Variants in DOCK8 observed in about 807,000 individuals in gnomAD.
DOCK8 encodes the protein dedicator of cytokinesis 8, also known as dedicator of cytokinesis protein 8.
In DOCK8, 141 loss-of-function variants were observed where a neutral mutation model predicts 245.6. The observed-to-expected ratio is 0.57, with a 90% CI of 0.50 to 0.66. The LOEUF is 0.66. DOCK8 is among the 30% of genes least tolerant of loss of function. DOCK8 has a pLI of 0.00. For missense variants in DOCK8, 2,965 were observed against 2,603.4 expected (o/e 1.14, Z -3.02); for synonymous variants, 1,168 against 970.2 (o/e 1.20, Z -3.79).
Position 419,985 on chromosome 9 carries a change from C to A in DOCK8, c.3841-416C>A, listed in dbSNP as rs77756862. The A allele has an allele frequency of 2.7e-4, 74 of 272,846 alleles. 1 individual carries two copies. Among genetic ancestry groups the A allele is most frequent in the African/African-American group, 1.5e-3 (71 of 46,058 alleles). 16.9% of individuals were successfully genotyped at this position (272,846 alleles called of 1,614,324 possible). Reference sequence around the variant, plus strand: ...CATGGCACCCAGCCAGTTTCCTTCTCCCCTGTAAGTCTAACCCTCTGCTGC... The same window carrying A: ...CATGGCACCCAGCCAGTTTCCTTCTACCCTGTAAGTCTAACCCTCTGCTGC... On this transcript the variant is annotated intron_variant, in intron 30 of 47. Coordinates refer to ENST00000432829, the MANE Select transcript of DOCK8 (RefSeq NM_203447.4).
At chr9:379,714 C>T in intron 20 of DOCK8, 57 bp from the exon 21 acceptor site, 6 of 1,595,050 alleles carry the variant, frequency 3.8e-6, no homozygotes, top group Non-Finnish European at 5.2e-6. Flanking sequence ...GAAACTTCCA[C>T]CTCAGGCTCC....
chr9:319,884 G>C (rs1026830626), intron 7 of DOCK8, among the ~76,000 whole-genome samples: 17 of 152,178 alleles, frequency 1.1e-4, no homozygotes, highest in Non-Finnish European at 2.2e-4. Flanking sequence ...AGTAATCTCA[G>C]CTCTTAGGAG....
At chr9:311,140 C>G (rs2050089455) in intron 5 of DOCK8, among the ~76,000 whole-genome samples, 1 of 152,036 alleles carries the variant, frequency 6.6e-6, no homozygotes, top group Non-Finnish European at 1.5e-5. Context: ...ACAAAAATAA[C>G]CAGATGTAGT....
At chr9:256,457 C>G (rs2047778271) in intron 1 of DOCK8, among the ~76,000 whole-genome samples, 1 of 152,176 alleles carries the variant, frequency 6.6e-6, no homozygotes, top group Non-Finnish European at 1.5e-5. Context: ...TAGTACTTAT[C>G]CCATGAGGGA....
chr9:318,967 CAT>C (rs2050465365), intron 7 of DOCK8, among the ~76,000 whole-genome samples: 1 of 152,172 alleles, frequency 6.6e-6, no homozygotes, highest in Non-Finnish European at 1.5e-5. Context: ...GGTGGGAAAA[CAT>C]GGTCACTAAG....
At chr9:281,399 T>A (rs1052226650) in intron 2 of DOCK8, among the ~76,000 whole-genome samples, 1 of 152,202 alleles carries the variant, frequency 6.6e-6, no homozygotes, top group African/African-American at 2.4e-5. Flanking sequence ...TGGTCTCCAC[T>A]GGCTAGGAGA....
At chr9:384,876 A>T (rs957113544) in intron 22 of DOCK8, among the ~76,000 whole-genome samples, 1 of 152,216 alleles carries the variant, frequency 6.6e-6, no homozygotes, top group Non-Finnish European at 1.5e-5. Flanking sequence ...AGATCGTGCC[A>T]CCGCACTCCA....
intron 14 of DOCK8, among the ~76,000 whole-genome samples, chr9:348,182 A>T (rs558212675): frequency 6.6e-6 from 1 of 152,288 alleles, no homozygotes; most frequent in East Asian, 1.9e-4. Context: ...CAAGAGATGC[A>T]TCCCTTAATG....
intron 12 of DOCK8, among the ~76,000 whole-genome samples, chr9:337,540 A>C (rs564555446): frequency 1.3e-5 from 2 of 152,190 alleles, no homozygotes; most frequent in African/African-American, 4.8e-5. Flanking sequence ...TTCATGTGCA[A>C]GTTTCCACTT....
chr9:333,461 CA>C (rs954771220), intron 10 of DOCK8, among the ~76,000 whole-genome samples: 15 of 152,092 alleles, frequency 9.9e-5, no homozygotes, highest in African/African-American at 3.1e-4. Flanking sequence ...ATTAGCCGGG[CA>C]TGGTGGCACG....
chr9:325,576 C>A, intron 7 of DOCK8, 95 bp from the exon 8 acceptor site: 1 of 1,002,178 alleles, frequency 1.0e-6, no homozygotes, highest in South Asian at 1.3e-5. Context: ...GGAAACTGCT[C>A]ATATTTTTAA....
chr9:441,491 C>T (rs2057093807), intron 41 of DOCK8, 74 bp downstream of exon 41: 1 of 1,603,884 alleles, frequency 6.2e-7, no homozygotes, highest in Non-Finnish European at 8.5e-7. Flanking sequence ...GCTTAGCCAT[C>T]CTTCCTCTCC....
intron 40 of DOCK8, 143 bp downstream of exon 40, chr9:439,531 CG>C: frequency 1.8e-6 from 2 of 1,084,970 alleles, no homozygotes; most frequent in Non-Finnish European, 2.6e-6. Flanking sequence ...GGGATGGGCC[CG>C]GGGAGGACTT....
intron 5 of DOCK8, among the ~76,000 whole-genome samples, chr9:311,309 A>G (rs1370114189): frequency 6.7e-6 from 1 of 149,502 alleles, no homozygotes; most frequent in Non-Finnish European, 1.5e-5. Context: ...AGGTAATCAT[A>G]CCTCACTGCA....
chr9:460,771 G>C (rs2057780536), intron 46 of DOCK8, among the ~76,000 whole-genome samples: 1 of 152,208 alleles, frequency 6.6e-6, no homozygotes, highest in Admixed American at 6.5e-5. Flanking sequence ...GCTCTTCCTT[G>C]CCACATGCTA....
intron 1 of DOCK8, among the ~76,000 whole-genome samples, chr9:218,842 C>G (rs1455020106): frequency 1.3e-5 from 2 of 152,176 alleles, no homozygotes; most frequent in African/African-American, 2.4e-5. Context: ...TTCTAGAATG[C>G]TTTCTATGTG....
rs1564015856 is a variant in DOCK8, at chr9:400,851, T to TC, written c.3234+1593dup. Among the ~76,000 whole-genome samples the TC allele has an allele frequency of 8.9e-4, 9 of 10,110 alleles. 1 individual carries two copies. The highest frequency in any genetic ancestry group is 1.5e-3 in the Non-Finnish European group (9 of 5,964). 6.6% of individuals were successfully genotyped at this position (10,110 alleles called of 152,430 possible). On this transcript the variant is annotated intron_variant, in intron 26 of 47. Transcript: ENST00000432829. ...ATCACCATCACCACCACCTCCACCA[T>TC]CACCACCTCCTCCACCATCACCACC...
At chr9:439,478 C>G in intron 40 of DOCK8, 90 bp downstream of exon 40, 1 of 1,549,670 alleles carries the variant, frequency 6.5e-7, no homozygotes, top group Non-Finnish European at 8.8e-7. Flanking sequence ...ATGGCCCAGT[C>G]AGCCCCACTT....
chr9:379,389 T>G (rs942732042), intron 20 of DOCK8, among the ~76,000 whole-genome samples: 2 of 152,084 alleles, frequency 1.3e-5, no homozygotes, highest in African/African-American at 2.4e-5. Flanking sequence ...ATTAATACAC[T>G]CTCTGGGGTG....
Sources: gnomAD v4.1 joint callset for allele counts (sites outside exome capture counted in the v4.1 genomes callset) on GRCh38, gnomAD v4.1.1 for gene constraint, MANE v1.5 for transcripts, NCBI Gene and HGNC (gene_info 2026-07-23, HGNC 2026-07-21) for gene names.